The following PARD3B variants were observed in gnomAD, a reference collection of about 807,000 sequenced individuals.
PARD3B encodes partitioning defective 3 homolog B.
A neutral mutation model predicts 130.2 loss-of-function variants in PARD3B; 103 were observed. The observed-to-expected ratio is 0.79, with a 90% CI of 0.67 to 0.93. The LOEUF is 0.93. Ranked by LOEUF, PARD3B falls within the 40% of genes least tolerant of loss-of-function variation. PARD3B has a pLI of 0.00. For missense variants in PARD3B, 1,609 were observed against 1,499.2 expected (o/e 1.07, Z -1.21); for synonymous variants, 583 against 553.2 (o/e 1.05, Z -0.76).
At chr2:205,172,806 CTT>C (rs1380024985) in intron 12 of PARD3B, among the ~76,000 whole-genome samples, 1 of 152,152 alleles carries the variant, frequency 6.6e-6, no homozygotes, top group African/African-American at 2.4e-5. Flanking sequence ...AGACCTGAGA[CTT>C]AACTAATTTA....
chr2:205,563,206 C>CTAGTTGATTGTAT lies in PARD3B; in HGVS notation c.3260+9803_3260+9804insTAGTTGATTGTAT. ...TTGTTTCAAAGATGTCATGTTTATT[C>CTAGTTGATTGTAT]CTAAACTAGTTGATTGTATTTAAAT... is the stretch of plus-strand genomic sequence containing the variant. On this transcript the variant is annotated intron_variant, in intron 22 of 22. Transcript: ENST00000406610. The surrounding 1 kb of genome is among the most constrained non-coding windows in gnomAD (Gnocchi z 4.2). 6.6e-6 allele frequency among the ~76,000 whole-genome samples: 1 copy of CTAGTTGATTGTAT among 152,102 alleles called. No individual in the cohort carries two copies. The highest frequency in any genetic ancestry group is 1.5e-5 in the Non-Finnish European group (1 of 68,022).
intron 12 of PARD3B, among the ~76,000 whole-genome samples, chr2:205,172,855 A>G (rs1309058071): frequency 1.3e-5 from 2 of 152,200 alleles, no homozygotes; most frequent in Non-Finnish European, 2.9e-5. Context: ...TGCTCATGTT[A>G]TTAAATAAAT....
chr2:205,511,990 G>A (rs1197103822), intron 21 of PARD3B, among the ~76,000 whole-genome samples: 2 of 152,184 alleles, frequency 1.3e-5, no homozygotes, highest in Admixed American at 6.6e-5. Context: ...CTAGTCTGGT[G>A]TTGTGATGGG....
At chr2:204,652,259 T>C (rs1180414310) in intron 1 of PARD3B, among the ~76,000 whole-genome samples, 1 of 152,142 alleles carries the variant, frequency 6.6e-6, no homozygotes, top group East Asian at 1.9e-4. Context: ...AAACATAAGT[T>C]ACAGTTTCAG....
chr2:204,929,623 AT>A (rs966912204), intron 2 of PARD3B, among the ~76,000 whole-genome samples: 104 of 148,520 alleles, frequency 7.0e-4, no homozygotes, highest in East Asian at 2.9e-3. Context: ...AAATTGAATA[AT>A]TTTTTTTTTT....
At chr2:204,719,286 T>C (rs1242501891) in intron 2 of PARD3B, among the ~76,000 whole-genome samples, 1 of 152,192 alleles carries the variant, frequency 6.6e-6, no homozygotes, top group Non-Finnish European at 1.5e-5. Context: ...GGAGACTATT[T>C]GTAGATTGAG....
intron 3 of PARD3B, among the ~76,000 whole-genome samples, chr2:204,973,953 C>T (rs1401794057): frequency 6.6e-6 from 1 of 152,154 alleles, no homozygotes; most frequent in African/African-American, 2.4e-5. Flanking sequence ...AGACAAAGAC[C>T]TCCCAGATAT....
At chr2:204,880,775 T>C (rs2046016459) in intron 2 of PARD3B, among the ~76,000 whole-genome samples, 2 of 152,062 alleles carry the variant, frequency 1.3e-5, no homozygotes, top group Admixed American at 1.3e-4. Context: ...ACAGGATATC[T>C]GGTCTAACTA....
chr2:205,340,429 G>A (rs1279568678), intron 18 of PARD3B, among the ~76,000 whole-genome samples: 1 of 151,960 alleles, frequency 6.6e-6, no homozygotes, highest in Non-Finnish European at 1.5e-5. Context: ...ACACAATAGA[G>A]AACCCAGAAA....
At chr2:205,597,272 T>C (rs757529918) in intron 22 of PARD3B, among the ~76,000 whole-genome samples, 16 of 152,180 alleles carry the variant, frequency 1.1e-4, no homozygotes, top group Non-Finnish European at 1.9e-4. Flanking sequence ...TGAAAACAAG[T>C]GACATTTGGT....
intron 2 of PARD3B, among the ~76,000 whole-genome samples, chr2:204,879,707 A>C (rs1221895527): frequency 1.3e-5 from 2 of 152,220 alleles, no homozygotes; most frequent in Non-Finnish European, 2.9e-5. Flanking sequence ...AAGCTATTAA[A>C]GGTTGTTAAT....
chr2:205,484,018 T>G (rs2049343327), intron 20 of PARD3B, among the ~76,000 whole-genome samples: 1 of 152,152 alleles, frequency 6.6e-6, no homozygotes, highest in Non-Finnish European at 1.5e-5. Flanking sequence ...AATGAGGAAC[T>G]AATGACATCT....
chr2:204,984,539 A>G (rs1692961856), intron 3 of PARD3B, among the ~76,000 whole-genome samples: 1 of 152,164 alleles, frequency 6.6e-6, no homozygotes, highest in South Asian at 2.1e-4. Context: ...TAATATTAAA[A>G]TAAATGTATG....
At chr2:204,896,458 G>A (rs536686503) in intron 2 of PARD3B, among the ~76,000 whole-genome samples, 42 of 152,020 alleles carry the variant, frequency 2.8e-4, no homozygotes, top group Non-Finnish European at 4.6e-4. Flanking sequence ...GTGGCACCTC[G>A]GACATGTTTA....
At chr2:205,362,705 G>A (rs1221137357) in intron 18 of PARD3B, among the ~76,000 whole-genome samples, 3 of 152,170 alleles carry the variant, frequency 2.0e-5, no homozygotes, top group Non-Finnish European at 4.4e-5. Context: ...TAGTTTATGT[G>A]ACATAAATTC....
chr2:205,025,417 G>C (rs1235693672), intron 3 of PARD3B, among the ~76,000 whole-genome samples: 1 of 152,134 alleles, frequency 6.6e-6, no homozygotes, highest in Non-Finnish European at 1.5e-5. Flanking sequence ...TGTGCTGAAT[G>C]GCTCACCACT....
intron 18 of PARD3B, among the ~76,000 whole-genome samples, chr2:205,346,028 G>A (rs1325271471): frequency 6.3e-5 from 8 of 127,662 alleles, no homozygotes; most frequent in East Asian, 2.4e-4. Flanking sequence ...AAAATTAGCC[G>A]GGCGTGGTGG....
rs1162104848 is a variant in PARD3B at position 204,831,790 on chromosome 2, T to A, written c.223-133362T>A. Reference sequence around the variant, plus strand: ...GACTATTGCAAACAACAGGAATGTATGAGTTTTATGAGAAAAGCTTCCAGA... The same window carrying A: ...GACTATTGCAAACAACAGGAATGTAAGAGTTTTATGAGAAAAGCTTCCAGA... On this transcript the variant is annotated intron_variant, in intron 2 of 22. Transcript: ENST00000406610. Among the ~76,000 whole-genome samples the A allele has an allele frequency of 2.0e-5, 3 of 152,042 alleles. No individual in the cohort carries two copies. In the East Asian group the frequency reaches 5.8e-4, roughly 29 times the overall value.
At chr2:205,455,469 G>A (rs982983500) in intron 20 of PARD3B, among the ~76,000 whole-genome samples, 11 of 148,562 alleles carry the variant, frequency 7.4e-5, no homozygotes, top group African/African-American at 2.4e-4. Context: ...TTAAGATTGC[G>A]ATTCATTCCC....
Sources: allele counts gnomAD v4.1 joint callset (sites outside exome capture counted in the v4.1 genomes callset), GRCh38; gene constraint gnomAD v4.1.1; non-coding constraint Gnocchi (gnomAD v3.1); transcripts MANE v1.5; gene names NCBI Gene and HGNC (gene_info 2026-07-23, HGNC 2026-07-21).